Variants in GRID1 observed in about 807,000 individuals in gnomAD.
The protein encoded by GRID1 is glutamate receptor ionotropic, delta-1.
Under a neutral mutation model 98.0 loss-of-function variants are expected in GRID1, and 28 were observed. The ratio of observed to expected loss-of-function variants is 0.29; its 90% CI spans 0.21 to 0.39. The LOEUF (loss-of-function observed/expected upper bound fraction) is 0.39, where lower values mean the gene tolerates loss of function less well. Among genes scored for constraint, GRID1 ranks in the 10% least tolerant of loss-of-function variants. GRID1 has a pLI of 1.00. For synonymous variants in GRID1, 553 were observed against 538.5 expected (o/e 1.03, Z -0.37); for missense variants, 1,111 against 1,340.5 (o/e 0.83, Z 2.67).
chr10:85,842,462 T>C (rs543583905), intron 8 of GRID1, among the ~76,000 whole-genome samples: 2 of 151,986 alleles, frequency 1.3e-5, no homozygotes, highest in South Asian at 4.2e-4. Flanking sequence ...ATTCCTGAAC[T>C]TAAAATAAAA....
chr10:85,634,998 G>GAAAAAAAAAAAAAAAAA (rs140144576), intron 13 of GRID1, among the ~76,000 whole-genome samples: 3 of 35,008 alleles, frequency 8.6e-5, no homozygotes, highest in African/African-American at 2.7e-4. Context: ...GAGGAAATCT[G>GAAAAAAAAAAAAAAAAA]AAAAAAAAAA....
At chr10:86,326,483 C>T (rs1453378917) in intron 2 of GRID1, among the ~76,000 whole-genome samples, 1 of 152,166 alleles carries the variant, frequency 6.6e-6, no homozygotes, top group African/African-American at 2.4e-5. Context: ...GTCTGAACCA[C>T]ATGAACAAAT....
intron 2 of GRID1, among the ~76,000 whole-genome samples, chr10:86,216,740 C>T (rs915995341): frequency 1.3e-5 from 2 of 152,148 alleles, no homozygotes; most frequent in African/African-American, 4.8e-5. Context: ...GGGCCCCAGG[C>T]AGGACAACTC....
intron 4 of GRID1, among the ~76,000 whole-genome samples, chr10:85,968,942 C>CA (rs1412977614): frequency 6.6e-6 from 1 of 151,946 alleles, no homozygotes; most frequent in African/African-American, 2.4e-5. Context: ...ATGTAATCTA[C>CA]AAAAAACACA....
intron 8 of GRID1, among the ~76,000 whole-genome samples, chr10:85,775,874 G>T (rs749370489): frequency 1.3e-5 from 2 of 152,136 alleles, no homozygotes; most frequent in Non-Finnish European, 2.9e-5. Context: ...CTCTCTTTGT[G>T]GGTGGGGAGC....
chr10:85,948,271 G>A (rs1435069745), intron 4 of GRID1, among the ~76,000 whole-genome samples: 1 of 152,184 alleles, frequency 6.6e-6, no homozygotes, highest in African/African-American at 2.4e-5. Context: ...ATTATTCCAA[G>A]TGAAAAGTTT....
rs188519902 is a variant in GRID1 at position 85,801,259 on chromosome 10, C to T, written c.1233+53237G>A. 8.6e-5 allele frequency among the ~76,000 whole-genome samples: 13 copies of T among 151,950 alleles called. No homozygotes were observed. In the East Asian group the frequency reaches 2.1e-3, roughly 25 times the overall value. ...ATTAAAAGAATTAAAGGTTTTCCCA[C>T]AAAGAAGTTCTTAACATTTTCATAG... On this transcript the variant is annotated intron_variant, in intron 8 of 15. Coordinates refer to ENST00000327946, the MANE Select transcript of GRID1 (RefSeq NM_017551.3).
intron 8 of GRID1, among the ~76,000 whole-genome samples, chr10:85,837,195 A>G (rs757024786): frequency 7.2e-5 from 11 of 152,126 alleles, no homozygotes; most frequent in Non-Finnish European, 1.5e-4. Flanking sequence ...CAGAGAACAA[A>G]GGATCCTCCC....
chr10:85,781,943 T>C (rs1842385361), intron 8 of GRID1, among the ~76,000 whole-genome samples: 1 of 152,208 alleles, frequency 6.6e-6, no homozygotes, highest in African/African-American at 2.4e-5. Flanking sequence ...CAGACCTCAA[T>C]GGTTATTTAG....
chr10:85,765,479 G>A (rs544477898), intron 8 of GRID1, among the ~76,000 whole-genome samples: 2 of 152,272 alleles, frequency 1.3e-5, no homozygotes, highest in East Asian at 1.9e-4. Flanking sequence ...GAAACATTTT[G>A]AGCATTGACA....
intron 4 of GRID1, among the ~76,000 whole-genome samples, chr10:85,976,488 A>G (rs1475068130): frequency 6.6e-6 from 1 of 152,232 alleles, no homozygotes; most frequent in Non-Finnish European, 1.5e-5. Flanking sequence ...TCAGGTGAGT[A>G]GAAGGAAGGC....
rs145511613 is a variant in GRID1, at chr10:86,260,783, C to A, written c.236-54135G>T. 1.8e-3 allele frequency among the ~76,000 whole-genome samples: 269 copies of A among 152,354 alleles called. 2 individuals carry two copies. Among genetic ancestry groups the A allele is most frequent in the African/African-American group, 6.1e-3 (252 of 41,584 alleles). ...ATGGAAAGCATGGTCCCCAGAGACA[C>A]CCCTTCATTCAGACTCCACAATTAC... On this transcript the variant is annotated intron_variant, in intron 2 of 15. Transcript: ENST00000327946.
intron 2 of GRID1, among the ~76,000 whole-genome samples, chr10:86,214,007 G>A (rs1290055307): frequency 6.6e-6 from 1 of 152,042 alleles, no homozygotes; most frequent in African/African-American, 2.4e-5. Flanking sequence ...CCATCACCTT[G>A]GGCCAGAACA....
chr10:86,290,216 T>A (rs1174188981), intron 2 of GRID1, among the ~76,000 whole-genome samples: 1 of 152,250 alleles, frequency 6.6e-6, no homozygotes, highest in Non-Finnish European at 1.5e-5. Flanking sequence ...GATAAATGAA[T>A]AATTATCCTA....
chr10:85,783,796 C>T (rs1190472225), intron 8 of GRID1, among the ~76,000 whole-genome samples: 1 of 151,992 alleles, frequency 6.6e-6, no homozygotes, highest in Non-Finnish European at 1.5e-5. Context: ...TGTTTTACTC[C>T]AAAAAAATAT....
At chr10:85,657,253 C>T (rs1268166662) in intron 12 of GRID1, among the ~76,000 whole-genome samples, 1 of 152,180 alleles carries the variant, frequency 6.6e-6, no homozygotes, top group Non-Finnish European at 1.5e-5. Context: ...CACAACTTGA[C>T]ATATATGGCT....
intron 13 of GRID1, among the ~76,000 whole-genome samples, chr10:85,635,435 C>T (rs1403896992): frequency 6.6e-6 from 1 of 152,158 alleles, no homozygotes; most frequent in East Asian, 1.9e-4. Context: ...CCCCTCCTTG[C>T]CCTTACTGCA....
At chr10:85,657,291 A>C (rs57510400) in intron 12 of GRID1, among the ~76,000 whole-genome samples, 2,398 of 152,286 alleles carry the variant, frequency 0.016, 65 homozygotes, top group African/African-American at 0.054. Context: ...CTCCCAGAAT[A>C]GGACTTGGCT....
At chr10:86,182,239 T>G (rs1421529863) in intron 3 of GRID1, among the ~76,000 whole-genome samples, 1 of 152,018 alleles carries the variant, frequency 6.6e-6, no homozygotes, top group Non-Finnish European at 1.5e-5. Context: ...GTGGCCCTGG[T>G]GAGCAGCCAG....
Sources: allele counts gnomAD v4.1 joint callset (sites outside exome capture counted in the v4.1 genomes callset), GRCh38; gene constraint gnomAD v4.1.1; transcripts MANE v1.5; gene names NCBI Gene and HGNC (gene_info 2026-07-23, HGNC 2026-07-21).